CKAP2L: variants seen among roughly 807,000 people sequenced by gnomAD.
The protein encoded by CKAP2L is cytoskeleton associated protein 2L.
Under a neutral mutation model 65.7 loss-of-function variants are expected in CKAP2L, and 42 were observed. The observed-to-expected ratio is 0.64, with a 90% CI of 0.50 to 0.83. CKAP2L has a LOEUF of 0.83. CKAP2L is among the 40% of genes least tolerant of loss of function. The pLI is 0.00. For synonymous variants in CKAP2L, 325 were observed against 313.5 expected (o/e 1.04, Z -0.39); for missense variants, 908 against 871.0 (o/e 1.04, Z -0.53).
At chr2:112,760,588 CTG>C (rs1455573363) in intron 3 of CKAP2L, 123 bp downstream of exon 3, 2 of 548,294 alleles carry the variant, frequency 3.6e-6, no homozygotes, top group East Asian at 3.5e-5. Flanking sequence ...TTAAACCAAA[CTG>C]TTTTTATATC....
chr2:112,764,481 G>A (rs1680838238), intron 1 of CKAP2L, 81 bp downstream of exon 1: 1 of 1,491,174 alleles, frequency 6.7e-7, no homozygotes, highest in African/African-American at 1.4e-5. Flanking sequence ...ACCTCCCGCG[G>A]GACGAACTCA....
chr2:112,760,822 G>T, intron 2 of CKAP2L, 58 bp from the exon 3 acceptor site: 1 of 864,586 alleles, frequency 1.2e-6, no homozygotes, highest in Non-Finnish European at 1.8e-6. Flanking sequence ...GCTAAGCTTG[G>T]GAAGTACAGT....
chr2:112,750,046 G>C (rs2104873641), intron 5 of CKAP2L, among the ~76,000 whole-genome samples: 1 of 152,148 alleles, frequency 6.6e-6, no homozygotes, highest in Admixed American at 6.5e-5. Flanking sequence ...CTCAAAATCT[G>C]AGCCCCAGCC....
rs764407057 is a variant in CKAP2L, at chr2:112,738,798, C to G, written c.*25G>C. On this transcript the variant is annotated 3_prime_UTR_variant, in exon 9 of 9. Coordinates refer to ENST00000302450, the MANE Select transcript of CKAP2L (RefSeq NM_152515.5). ...TTGTCTTATGTTGGTTCTGAAACAC[C>G]TTTTTTAAAAAAAGCATCAAGAAAT... is the stretch of plus-strand genomic sequence containing the variant. 16 of 1,506,274 alleles carry G rather than the reference C, an allele frequency of 1.1e-5. No homozygotes were observed. Among genetic ancestry groups the G allele is most frequent in the Non-Finnish European group, 1.4e-5 (15 of 1,083,444 alleles). The allele number at this position is 1,506,274 out of a possible 1,614,324, so 93.3% of individuals were successfully genotyped here. A position where few individuals can be genotyped will look rare whatever the true frequency, so the allele number is the denominator to read the frequency against.
intron 1 of CKAP2L, 29 bp downstream of exon 1, chr2:112,764,533 A>G: frequency 6.2e-7 from 1 of 1,613,566 alleles, no homozygotes. Flanking sequence ...CCAACGCCTG[A>G]GAATAACGGG....
rs776089099 is a variant in CKAP2L at position 112,752,268 on chromosome 2, C to CTGAA, written c.1600_1601insTTCA (p.Gly534ValfsTer7). On this transcript the variant is annotated frameshift_variant and splice_region_variant, in exon 5 of 9. Transcript: ENST00000302450. LOFTEE classifies it high-confidence loss of function. ...GAGGAGCTTATCTTCTTCACTTACC[C>CTGAA]CTTCGATGAGGTTCAGACATTCTGT... 3 of 1,609,736 alleles carry CTGAA rather than the reference C, an allele frequency of 1.9e-6. No homozygotes were observed. Among genetic ancestry groups the CTGAA allele is most frequent in the Non-Finnish European group, 2.5e-6 (3 of 1,177,960 alleles).
At chr2:112,751,422 A>C (rs761093743) in intron 5 of CKAP2L, among the ~76,000 whole-genome samples, 6 of 152,196 alleles carry the variant, frequency 3.9e-5, no homozygotes, top group Non-Finnish European at 7.3e-5. Context: ...GAAGTTTGGG[A>C]TGCCTAAGTA....
chr2:112,741,096 A>C, intron 7 of CKAP2L, 89 bp from the exon 8 acceptor site: 1 of 837,598 alleles, frequency 1.2e-6, no homozygotes, highest in Non-Finnish European at 1.9e-6. Flanking sequence ...CATACATACA[A>C]TGATTTCCCA....
At chr2:112,759,110 G>A (rs1680633390) in intron 3 of CKAP2L, among the ~76,000 whole-genome samples, 1 of 152,270 alleles carries the variant, frequency 6.6e-6, no homozygotes, top group South Asian at 2.1e-4. Flanking sequence ...AACTTTTTTA[G>A]AGCAGGTTTA....
chr2:112,754,109 C>G (rs1278308965), intron 4 of CKAP2L, among the ~76,000 whole-genome samples: 2 of 152,172 alleles, frequency 1.3e-5, no homozygotes, highest in East Asian at 3.8e-4. Flanking sequence ...ACAAATGCAT[C>G]AAGTCATTTA....
At chr2:112,746,698 A>T (rs1285624041) in intron 5 of CKAP2L, 123 bp from the exon 6 acceptor site, 4 of 641,568 alleles carry the variant, frequency 6.2e-6, no homozygotes, top group African/African-American at 1.8e-5. Flanking sequence ...TTGAACTTTT[A>T]AAAAAATTTC....
In CKAP2L at chr2:112,760,783, A is replaced by T; in HGVS notation, c.105-19T>A. On this transcript the variant is annotated intron_variant, in intron 2 of 8. Transcript: ENST00000302450. The stretch of plus-strand genomic sequence containing the variant: ...ATAAGGCCTATAAAAGACAAATTAA[A>T]ATTAATCCTCAGCACAGAAGGATTC... 1 of 1,352,314 alleles carries T rather than the reference A, an allele frequency of 7.4e-7. No individual in the cohort carries two copies. The highest frequency in any genetic ancestry group is 1.0e-6 in the Non-Finnish European group (1 of 960,670). 83.8% of individuals were successfully genotyped at this position (1,352,314 alleles called of 1,614,324 possible).
intron 4 of CKAP2L, 74 bp from the exon 5 acceptor site, chr2:112,752,548 T>A: frequency 1.2e-6 from 1 of 864,402 alleles, no homozygotes; most frequent in Non-Finnish European, 1.8e-6. Flanking sequence ...ATATGATATG[T>A]ATAGATAGAG....
At chr2:112,763,795 G>A (rs1680806166) in intron 1 of CKAP2L, 1 of 152,216 alleles carries the variant, frequency 6.6e-6, no homozygotes. Context: ...AGAGCGTAGG[G>A]GCTGACATAG....
chr2:112,748,225 G>C (rs1048104699), intron 5 of CKAP2L, among the ~76,000 whole-genome samples: 54 of 152,054 alleles, frequency 3.6e-4, no homozygotes, highest in Admixed American at 3.5e-3. Context: ...GGATGAATGG[G>C]AGAAAAAAAT....
At chr2:112,751,353 C>T (rs1680366562) in intron 5 of CKAP2L, among the ~76,000 whole-genome samples, 1 of 152,128 alleles carries the variant, frequency 6.6e-6, no homozygotes, top group South Asian at 2.1e-4. Flanking sequence ...CATACCTATA[C>T]TGTATGGACA....
At chr2:112,747,097 CT>C (rs11365193) in intron 5 of CKAP2L, among the ~76,000 whole-genome samples, 77,996 of 145,448 alleles carry the variant, frequency 0.54, 21,635 homozygotes, top group African/African-American at 0.74. Flanking sequence ...CTTAATTTTT[CT>C]TTTTTTTTTT....
In CKAP2L at chr2:112,760,626, G is replaced by A. The variant is rs1680688870; in HGVS notation, c.156+87C>T. The stretch of plus-strand genomic sequence containing the variant: ...TGTAAGAAATACCTTTCAAATACAT[G>A]TTCTTTAGGTTGCTAACATCTTTAT... On this transcript the variant is annotated intron_variant, in intron 3 of 8. Coordinates refer to ENST00000302450, the MANE Select transcript of CKAP2L (RefSeq NM_152515.5). 8.8e-6 allele frequency: 6 copies of A among 684,002 alleles called. No individual in the cohort carries two copies. In the South Asian group the frequency reaches 1.1e-4, roughly 13 times the overall value. The allele number at this position is 684,002 out of a possible 1,614,324, so 42.4% of individuals were successfully genotyped here.
At chr2:112,755,062 T>C (rs1489302044) in intron 4 of CKAP2L, among the ~76,000 whole-genome samples, 1 of 152,210 alleles carries the variant, frequency 6.6e-6, no homozygotes, top group Non-Finnish European at 1.5e-5. Flanking sequence ...TACCAAGCTG[T>C]ACCTTGCTTC....
Sources: allele counts gnomAD v4.1 joint callset (sites outside exome capture counted in the v4.1 genomes callset), GRCh38; gene constraint gnomAD v4.1.1; transcripts MANE v1.5; gene names NCBI Gene and HGNC (gene_info 2026-07-23, HGNC 2026-07-21).